Variants in RARB observed in about 807,000 individuals in gnomAD.
RARB encodes the protein retinoic acid receptor beta, also known as HBV-activated protein.
RARB carries 17 observed loss-of-function variants against 51.9 expected under a neutral mutation model. That is an observed-to-expected ratio of 0.33 (90% CI 0.22 to 0.49). RARB has a LOEUF of 0.49. RARB is among the 20% of genes least tolerant of loss of function. RARB has a pLI of 0.99. For synonymous variants in RARB, 215 were observed against 195.4 expected, an observed-to-expected ratio of 1.10 and a Z score of -0.84; for missense variants, 369 against 550.8, an observed-to-expected ratio of 0.67 and a Z score of 3.30.
rs189692420 is a variant in RARB at position 25,534,311 on chromosome 3, G to A, written c.448+32988G>A. The stretch of plus-strand genomic sequence containing the variant: ...AAGTTTGGATGGGTACCTATGTACC[G>A]TGCTTGGGTACTTTGTACCTGGTAT... On this transcript the variant is annotated intron_variant, in intron 3 of 7. Coordinates refer to ENST00000330688, the MANE Select transcript of RARB (RefSeq NM_000965.5). Among the ~76,000 whole-genome samples, 253 of 152,290 alleles carry A rather than the reference G, an allele frequency of 1.7e-3. 1 individual carries two copies. Among genetic ancestry groups the A allele is most frequent in the African/African-American group, 5.8e-3 (241 of 41,560 alleles).
intron 5 of RARB, among the ~76,000 whole-genome samples, chr3:25,413,664 GT>G (rs1707626269): frequency 6.6e-6 from 1 of 151,410 alleles, no homozygotes; most frequent in Non-Finnish European, 1.5e-5. Context: ...TTTGTTTTTT[GT>G]TTTTTGTTTT....
At chr3:25,298,787 T>C (rs1038662544) in intron 5 of RARB, among the ~76,000 whole-genome samples, 6 of 152,152 alleles carry the variant, frequency 3.9e-5, no homozygotes, top group Non-Finnish European at 7.3e-5. Context: ...TAACTTACGT[T>C]TACAACCTGA....
chr3:25,470,586 T>C (rs1416444450), intron 2 of RARB, among the ~76,000 whole-genome samples: 1 of 152,228 alleles, frequency 6.6e-6, no homozygotes, highest in Non-Finnish European at 1.5e-5. Flanking sequence ...TAAAATTGCC[T>C]ATATAGAGTT....
intron 2 of RARB, among the ~76,000 whole-genome samples, chr3:24,921,685 C>T (rs1695220496): frequency 6.6e-6 from 1 of 152,142 alleles, no homozygotes; most frequent in South Asian, 2.1e-4. Flanking sequence ...CTCAGCATCT[C>T]CCCAGAGTGC....
chr3:25,278,005 G>T (rs1289550768), intron 5 of RARB, among the ~76,000 whole-genome samples: 3 of 152,180 alleles, frequency 2.0e-5, no homozygotes, highest in African/African-American at 7.2e-5. Flanking sequence ...ATGTTTGAGA[G>T]ACTCATCCTT....
At chr3:24,981,240 G>A (rs922898332) in intron 2 of RARB, among the ~76,000 whole-genome samples, 1 of 152,206 alleles carries the variant, frequency 6.6e-6, no homozygotes, top group Non-Finnish European at 1.5e-5. Flanking sequence ...ACCCACTTGA[G>A]GAGGCAGTCT....
intron 2 of RARB, among the ~76,000 whole-genome samples, chr3:24,939,077 G>A (rs1448026658): frequency 1.3e-5 from 2 of 151,744 alleles, no homozygotes; most frequent in Non-Finnish European, 2.9e-5. Flanking sequence ...CCGCCTCCCA[G>A]GTTCAAGCGA....
At chr3:24,986,803 G>A (rs1294811427) in intron 2 of RARB, among the ~76,000 whole-genome samples, 2 of 152,080 alleles carry the variant, frequency 1.3e-5, no homozygotes, top group Non-Finnish European at 2.9e-5. Flanking sequence ...CCTTCACCCT[G>A]TTAACTCCTG....
At chr3:25,277,697 T>A (rs1374147734) in intron 5 of RARB, among the ~76,000 whole-genome samples, 8 of 152,234 alleles carry the variant, frequency 5.3e-5, no homozygotes, top group Non-Finnish European at 1.0e-4. Context: ...TGGTTTACTT[T>A]TTGCTTACTT....
chr3:25,055,800 T>C (rs774863399), intron 2 of RARB, among the ~76,000 whole-genome samples: 15 of 152,128 alleles, frequency 9.9e-5, no homozygotes, highest in South Asian at 2.1e-4. Flanking sequence ...ACCAGGAAGC[T>C]GGTGTATTTA....
chr3:24,949,187 G>A (rs192993129), intron 2 of RARB, among the ~76,000 whole-genome samples: 13 of 152,276 alleles, frequency 8.5e-5, no homozygotes, highest in African/African-American at 2.9e-4. Context: ...GCTTTCCAAT[G>A]TCAAAGGTAT....
intron 5 of RARB, among the ~76,000 whole-genome samples, chr3:25,190,279 C>A (rs577411157): frequency 4.7e-4 from 72 of 152,146 alleles, no homozygotes; most frequent in South Asian, 1.4e-3. Context: ...TTCCCTTACA[C>A]CCCCAACCAG....
chr3:24,976,531 C>T (rs1236063505), intron 2 of RARB, among the ~76,000 whole-genome samples: 1 of 152,168 alleles, frequency 6.6e-6, no homozygotes, highest in African/African-American at 2.4e-5. Flanking sequence ...CGATGATGAG[C>T]ATTTTTTCAT....
chr3:24,968,694 G>C (rs531346455), intron 2 of RARB, among the ~76,000 whole-genome samples: 39 of 152,118 alleles, frequency 2.6e-4, no homozygotes, highest in African/African-American at 9.4e-4. Context: ...AGGGTTCAAG[G>C]GGTTCTAAAG....
At chr3:25,563,762 A>G (rs1203993103) in intron 3 of RARB, among the ~76,000 whole-genome samples, 7 of 152,202 alleles carry the variant, frequency 4.6e-5, no homozygotes, top group African/African-American at 1.7e-4. Flanking sequence ...CCAACTCATG[A>G]CAACCCCATA....
At position 25,390,720 on chromosome 3, in the gene RARB, A is replaced by C. The variant is rs1706928179; in HGVS notation, c.179-70473A>C. 2.0e-5 allele frequency among the ~76,000 whole-genome samples: 3 copies of C among 152,174 alleles called. No individual in the cohort carries two copies. The South Asian group carries it at 6.2e-4, about 32-fold the overall frequency. On this transcript the variant is annotated intron_variant, in intron 5 of 11. Coordinates refer to the RARB transcript ENST00000383772. Reference sequence around the variant, plus strand: ...AAAGCTGTCATCAAAGGAAACAGTTAAAAATTACTCTTTTGGGATATTTCA... The same window carrying C: ...AAAGCTGTCATCAAAGGAAACAGTTCAAAATTACTCTTTTGGGATATTTCA...
chr3:25,139,052 G>C (rs1156576034), intron 4 of RARB, among the ~76,000 whole-genome samples: 1 of 152,078 alleles, frequency 6.6e-6, no homozygotes, highest in Non-Finnish European at 1.5e-5. Flanking sequence ...GCCCATTTAA[G>C]ATGGGGAACT....
chr3:25,067,312 A>G (rs41385944), intron 3 of RARB, among the ~76,000 whole-genome samples: 2,483 of 152,326 alleles, frequency 0.016, 62 homozygotes, highest in African/African-American at 0.056. Flanking sequence ...ATGAGCTTGC[A>G]AAAGAGATTG....
chr3:25,263,893 G>T (rs1197102934), intron 5 of RARB, among the ~76,000 whole-genome samples: 1 of 152,154 alleles, frequency 6.6e-6, no homozygotes, highest in East Asian at 1.9e-4. Flanking sequence ...CAGTTCTGAA[G>T]GGGGAGAGCC....
Sources: gnomAD v4.1 joint callset for allele counts (sites outside exome capture counted in the v4.1 genomes callset) on GRCh38, gnomAD v4.1.1 for gene constraint, MANE v1.5 for transcripts, NCBI Gene and HGNC (gene_info 2026-07-23, HGNC 2026-07-21) for gene names.